The following TMC7 variants were observed in gnomAD, a reference collection of about 807,000 sequenced individuals.
TMC7 encodes transmembrane channel like 7.
A neutral mutation model predicts 82.9 loss-of-function variants in TMC7; 54 were observed. The observed-to-expected ratio is 0.65, with a 90% CI of 0.52 to 0.82. TMC7 has a LOEUF of 0.82. Ranked by LOEUF, TMC7 falls within the 40% of genes least tolerant of loss-of-function variation. TMC7 has a pLI of 0.00. For synonymous variants in TMC7, 350 were observed against 337.9 expected (o/e 1.04, Z -0.39); for missense variants, 820 against 901.2 (o/e 0.91, Z 1.15).
intron 1 of TMC7, among the ~76,000 whole-genome samples, chr16:18,997,732 T>C (rs866723024): frequency 0.3 from 43,229 of 142,706 alleles, 6,447 homozygotes; most frequent in Non-Finnish European, 0.35. Flanking sequence ...ATCCAGCCTT[T>C]TTTTTTTTTT....
chr16:19,034,618 A>G (rs924890639), intron 6 of TMC7, among the ~76,000 whole-genome samples: 12 of 140,970 alleles, frequency 8.5e-5, no homozygotes, highest in South Asian at 4.2e-4. Context: ...AAATAAGTAA[A>G]TAAATAAATA....
chr16:19,031,672 AAAAC>A (rs373490761), intron 6 of TMC7, among the ~76,000 whole-genome samples: 58 of 152,258 alleles, frequency 3.8e-4, no homozygotes, highest in African/African-American at 1.3e-3. Context: ...CTCTGTCTCA[AAAAC>A]AAACAAACAA....
In TMC7 at chr16:19,059,938, T is replaced by A. The variant is rs757512673; in HGVS notation, c.2106+444T>A. On this transcript the variant is annotated intron_variant, in intron 15 of 15. Coordinates refer to ENST00000304381, the MANE Select transcript of TMC7 (RefSeq NM_024847.4). ...GTCGCAGTGAGCTGAGATTGCGCTATTGCACTCCAGCCTGGGTGACAGAGT... is the reference window on the plus strand; with the variant it reads ...GTCGCAGTGAGCTGAGATTGCGCTAATGCACTCCAGCCTGGGTGACAGAGT... The A allele has an allele frequency of 5.4e-5, 21 of 390,470 alleles. No homozygotes were observed. In the Admixed American group the frequency reaches 6.0e-4, roughly 11 times the overall value. The allele number at this position is 390,470 out of a possible 1,614,324, so 24.2% of individuals were successfully genotyped here.
intron 2 of TMC7, among the ~76,000 whole-genome samples, chr16:19,015,729 C>T (rs1020620513): frequency 6.6e-6 from 1 of 152,066 alleles, no homozygotes; most frequent in Non-Finnish European, 1.5e-5. Flanking sequence ...AGACGCCCAC[C>T]ACCATGCCTG....
intron 1 of TMC7, among the ~76,000 whole-genome samples, chr16:19,006,409 C>T (rs956184635): frequency 6.6e-6 from 1 of 152,162 alleles, no homozygotes; most frequent in African/African-American, 2.4e-5. Context: ...GTCTTGGACT[C>T]CCAACCTCAG....
intron 15 of TMC7, chr16:19,059,946 C>T (rs1961932878): frequency 3.2e-5 from 12 of 370,554 alleles, no homozygotes; most frequent in South Asian, 2.9e-4. Flanking sequence ...TATTGCACTC[C>T]AGCCTGGGTG....
At position 19,044,377 on chromosome 16, in the gene TMC7, G is replaced by T. The variant is rs765770472; in HGVS notation, c.1338-507G>T. Among the ~76,000 whole-genome samples, 3 of 151,832 alleles carry T rather than the reference G, an allele frequency of 2.0e-5. No individual in the cohort carries two copies. In the East Asian group the frequency reaches 5.8e-4, roughly 30 times the overall value. Reference sequence around the variant, plus strand: ...TTTATTTTTTTGTAGAGACGGCCAGGGGGTGGTGGTCTTACTTTACTGCCC... The same window carrying T: ...TTTATTTTTTTGTAGAGACGGCCAGTGGGTGGTGGTCTTACTTTACTGCCC... On this transcript the variant is annotated intron_variant, in intron 9 of 15. Coordinates refer to ENST00000304381, the MANE Select transcript of TMC7 (RefSeq NM_024847.4).
intron 1 of TMC7, among the ~76,000 whole-genome samples, chr16:18,996,175 G>A (rs2039041004): frequency 1.3e-5 from 2 of 152,084 alleles, no homozygotes; most frequent in Non-Finnish European, 2.9e-5. Flanking sequence ...AGGAAGAATT[G>A]GGACCTGGCT....
At chr16:19,018,941 C>T (rs1959836634) in intron 3 of TMC7, among the ~76,000 whole-genome samples, 2 of 152,216 alleles carry the variant, frequency 1.3e-5, no homozygotes, top group Admixed American at 1.3e-4. Flanking sequence ...ACCTCCGCCT[C>T]ACAAGTTCAA....
chr16:19,005,015 G>A (rs1215387025), intron 1 of TMC7, among the ~76,000 whole-genome samples: 1 of 151,736 alleles, frequency 6.6e-6, no homozygotes, highest in Admixed American at 6.6e-5. Context: ...CTAAAGAGTA[G>A]TTCGGAGTAT....
intron 12 of TMC7, among the ~76,000 whole-genome samples, chr16:19,050,833 G>A (rs8047839): frequency 6.6e-6 from 1 of 152,020 alleles, no homozygotes; most frequent in African/African-American, 2.4e-5. Context: ...GGTATTTCAT[G>A]CTATATAGAT....
At chr16:19,036,231 C>T (rs1000905363) in intron 7 of TMC7, among the ~76,000 whole-genome samples, 7 of 152,194 alleles carry the variant, frequency 4.6e-5, no homozygotes, top group South Asian at 2.1e-4. Context: ...AAGTACAGAC[C>T]GGGCGTGGTG....
At chr16:19,056,821 C>A in intron 14 of TMC7, 124 bp downstream of exon 14, 1 of 1,161,222 alleles carries the variant, frequency 8.6e-7, no homozygotes, top group South Asian at 1.5e-5. Context: ...TGCACTTTCC[C>A]ATCTCTAAAA....
chr16:19,041,340 A>G (rs934462732), intron 9 of TMC7, among the ~76,000 whole-genome samples: 1 of 151,856 alleles, frequency 6.6e-6, no homozygotes, highest in Admixed American at 6.6e-5. Flanking sequence ...CTCAGGCAAC[A>G]TGCCATTTCA....
intron 1 of TMC7, among the ~76,000 whole-genome samples, chr16:18,985,227 C>T (rs2038824140): frequency 6.6e-6 from 1 of 150,898 alleles, no homozygotes; most frequent in Non-Finnish European, 1.5e-5. Context: ...CCACTGCACT[C>T]CAGCCTGGGC....
rs796539066 is a variant in TMC7 at position 19,062,104 on chromosome 16, C to T, written c.*261C>T. ...ACAACTCTACCAAAAACCAACAAGC[C>T]ATTCAAGCTTTTACAAGAATGAAAG... On this transcript the variant is annotated 3_prime_UTR_variant, in exon 16 of 16. Coordinates refer to ENST00000304381, the MANE Select transcript of TMC7 (RefSeq NM_024847.4). 8 of 396,312 alleles carry T rather than the reference C, an allele frequency of 2.0e-5. No individual in the cohort carries two copies. Among genetic ancestry groups the T allele is most frequent in the African/African-American group, 1.6e-4 (8 of 49,052 alleles). 24.5% of individuals were successfully genotyped at this position (396,312 alleles called of 1,614,324 possible). A position where few individuals can be genotyped will look rare whatever the true frequency, so the allele number is the denominator to read the frequency against.
At chr16:18,993,863 T>C (rs1213166234) in intron 1 of TMC7, among the ~76,000 whole-genome samples, 1 of 152,084 alleles carries the variant, frequency 6.6e-6, no homozygotes, top group Non-Finnish European at 1.5e-5. Context: ...TGAGAAGTAG[T>C]GGAGGGGGGC....
intron 1 of TMC7, chr16:18,984,450 A>G: frequency 8.6e-7 from 1 of 1,163,506 alleles, no homozygotes; most frequent in South Asian, 3.5e-5. Context: ...AAATGAAAGG[A>G]TTTGAGCACC....
rs768038285 is a variant in TMC7, at chr16:19,047,166, A to G, written c.1657A>G (p.Ile553Val). The change falls in exon 12 of 16, where the codon ATC becomes GTC. Residue 553 changes from isoleucine (I) to valine (V), a missense_variant. Transcript: ENST00000304381. Reference sequence around the variant, plus strand: ...CCTGGGGATAGTTTACGGGCAAACCATCTGCTGGATCGGAGCCTTTTTCTC... The same window carrying G: ...CCTGGGGATAGTTTACGGGCAAACCGTCTGCTGGATCGGAGCCTTTTTCTC... The part of the protein sequence containing the change: ...NVLGIVYGQT[I>V]CWIGAFFSPL... The G allele has an allele frequency of 1.2e-5, 19 of 1,613,906 alleles. No individual in the cohort carries two copies. Among genetic ancestry groups the G allele is most frequent in the African/African-American group, 1.3e-5 (1 of 74,898 alleles).
Sources: allele counts gnomAD v4.1 joint callset (sites outside exome capture counted in the v4.1 genomes callset), GRCh38; gene constraint gnomAD v4.1.1; transcripts MANE v1.5; gene names NCBI Gene and HGNC (gene_info 2026-07-23, HGNC 2026-07-21).